The following BRAF variants were observed in gnomAD, a reference collection of about 807,000 sequenced individuals.
BRAF encodes the protein serine/threonine-protein kinase B-raf.
In BRAF, 16 loss-of-function variants were observed where a neutral mutation model predicts 104.6. That is an observed-to-expected ratio of 0.15 (90% CI 0.10 to 0.23). BRAF has a LOEUF of 0.23. Among genes scored for constraint, BRAF ranks in the 10% least tolerant of loss-of-function variants. The pLI, the probability that BRAF is intolerant of heterozygous loss-of-function variation, is 1.00. For missense variants in BRAF, 541 were observed against 937.3 expected, an observed-to-expected ratio of 0.58 and a Z score of 5.52; for synonymous variants, 310 against 341.6, an observed-to-expected ratio of 0.91 and a Z score of 1.02.
At chr7:140,717,441 A>G (rs951703234), downstream of BRAF, among the ~76,000 whole-genome samples, 1 of 151,942 alleles carries the variant, frequency 6.6e-6, no homozygotes, top group Admixed American at 6.6e-5. Context: ...CAGCTAATTA[A>G]ATTTTTTTTT....
rs1798247375 is a variant in BRAF at position 140,756,886 on chromosome 7, T to G, written c.1815-2653A>C. Among the ~76,000 whole-genome samples the G allele has an allele frequency of 2.0e-5, 3 of 152,358 alleles. No homozygotes were observed. The South Asian group carries it at 6.2e-4, about 32-fold the overall frequency. ...CTACAAAATCATCTGGTAAAATTTC[T>G]TCTCACACTACTTCAAGCTCTTATC... On this transcript the variant is annotated intron_variant, in intron 14 of 19. Transcript: ENST00000644969.
intron 3 of BRAF, among the ~76,000 whole-genome samples, chr7:140,832,073 G>A (rs1268268972): frequency 1.3e-5 from 2 of 152,128 alleles, no homozygotes; most frequent in East Asian, 1.9e-4. Flanking sequence ...AAAATTTCTA[G>A]TTCTCTGACA....
intron 1 of BRAF, among the ~76,000 whole-genome samples, chr7:140,916,013 A>AT (rs1232658801): frequency 3.3e-5 from 5 of 151,824 alleles, no homozygotes; most frequent in Non-Finnish European, 5.9e-5. Context: ...AAACCCAAGG[A>AT]TTTTTTTTAA....
intron 1 of BRAF, among the ~76,000 whole-genome samples, chr7:140,877,313 G>C (rs1812383164): frequency 7.3e-6 from 1 of 137,588 alleles, no homozygotes; most frequent in South Asian, 2.4e-4. Context: ...GGTGGGTCTT[G>C]CATGTTGCGC....
chr7:140,904,859 G>T (rs377686393), intron 1 of BRAF, among the ~76,000 whole-genome samples: 1 of 152,044 alleles, frequency 6.6e-6, no homozygotes, highest in African/African-American at 2.4e-5. Flanking sequence ...CGCCTGCCTC[G>T]GCCTCCCAAA....
At chr7:140,782,279 A>G (rs1800954403) in intron 11 of BRAF, among the ~76,000 whole-genome samples, 1 of 152,194 alleles carries the variant, frequency 6.6e-6, no homozygotes, top group Non-Finnish European at 1.5e-5. Flanking sequence ...GAAATAAGTA[A>G]AATGTTTTTA....
At chr7:140,804,556 C>T (rs1008692276) in intron 5 of BRAF, among the ~76,000 whole-genome samples, 4 of 152,098 alleles carry the variant, frequency 2.6e-5, no homozygotes, top group Admixed American at 2.0e-4. Context: ...AACTCCTGAC[C>T]TCGTGAGCTG....
chr7:140,915,157 A>G (rs1817478230), intron 1 of BRAF, among the ~76,000 whole-genome samples: 1 of 152,024 alleles, frequency 6.6e-6, no homozygotes, highest in African/African-American at 2.4e-5. Context: ...AAGCCAAAAT[A>G]GAAATTTATT....
At chr7:140,759,388 G>C (rs1798476460) in intron 14 of BRAF, among the ~76,000 whole-genome samples, 1 of 152,114 alleles carries the variant, frequency 6.6e-6, no homozygotes, top group African/African-American at 2.4e-5. Flanking sequence ...TCTGATTATA[G>C]GTTATTTATT....
chr7:140,891,656 C>T (rs747618184), intron 1 of BRAF, among the ~76,000 whole-genome samples: 3 of 151,840 alleles, frequency 2.0e-5, no homozygotes, highest in South Asian at 2.1e-4. Flanking sequence ...TTGTGTTCCT[C>T]GATTTGAGGG....
At chr7:140,756,123 T>G (rs942577255) in intron 14 of BRAF, among the ~76,000 whole-genome samples, 1 of 152,032 alleles carries the variant, frequency 6.6e-6, no homozygotes, top group Non-Finnish European at 1.5e-5. Flanking sequence ...AGGAAAGCAC[T>G]AGATAATTAA....
At chr7:140,867,068 A>G (rs1397101986) in intron 1 of BRAF, among the ~76,000 whole-genome samples, 8 of 152,182 alleles carry the variant, frequency 5.3e-5, no homozygotes, top group African/African-American at 1.9e-4. Context: ...ATATACTCCA[A>G]TAACAAGTAG....
chr7:140,865,722 CTGA>C (rs1810894504), intron 1 of BRAF, among the ~76,000 whole-genome samples: 1 of 152,128 alleles, frequency 6.6e-6, no homozygotes, highest in Non-Finnish European at 1.5e-5. Flanking sequence ...AAGGAAAAGG[CTGA>C]TGATTTAGGA....
chr7:140,849,796 A>G (rs1246588743), intron 2 of BRAF, among the ~76,000 whole-genome samples: 1 of 152,084 alleles, frequency 6.6e-6, no homozygotes, highest in Non-Finnish European at 1.5e-5. Flanking sequence ...TGGGCGACAG[A>G]GCGAGACTCC....
intron 3 of BRAF, among the ~76,000 whole-genome samples, chr7:140,826,504 T>C (rs372663225): frequency 6.6e-6 from 1 of 152,204 alleles, no homozygotes; most frequent in East Asian, 1.9e-4. Context: ...TGAAGTTAAG[T>C]TTCCAAGTAA....
chr7:140,754,619 T>C (rs548596951), intron 14 of BRAF, among the ~76,000 whole-genome samples: 1 of 152,272 alleles, frequency 6.6e-6, no homozygotes, highest in South Asian at 2.1e-4. Context: ...TTCGTTCTAT[T>C]TTCCACCTAT....
At chr7:140,884,986 ATTTATTTG>A (rs1163203296) in intron 1 of BRAF, among the ~76,000 whole-genome samples, 1 of 151,492 alleles carries the variant, frequency 6.6e-6, no homozygotes, top group African/African-American at 2.4e-5. Context: ...TTATTTATTT[ATTTATTTG>A]TTTGTTTATT....
intron 1 of BRAF, among the ~76,000 whole-genome samples, chr7:140,922,124 G>A (rs1179846731): frequency 6.6e-6 from 1 of 152,110 alleles, no homozygotes; most frequent in African/African-American, 2.4e-5. Context: ...AAAAAATGTA[G>A]AGGGAAAACT....
chr7:140,807,200 C>T (rs545934435), intron 5 of BRAF, among the ~76,000 whole-genome samples: 23 of 152,070 alleles, frequency 1.5e-4, no homozygotes, highest in Non-Finnish European at 2.6e-4. Flanking sequence ...AAGAAAAAAG[C>T]CTCATGGAGA....
Sources: gnomAD v4.1 joint callset for allele counts (sites outside exome capture counted in the v4.1 genomes callset) on GRCh38, gnomAD v4.1.1 for gene constraint, MANE v1.5 for transcripts, NCBI Gene and HGNC (gene_info 2026-07-23, HGNC 2026-07-21) for gene names.